Variants in SH2D4B observed in about 807,000 individuals in gnomAD.
SH2D4B encodes the protein SH2 domain containing 4B.
In SH2D4B, 45 loss-of-function variants were observed where a neutral mutation model predicts 61.5. The observed-to-expected ratio is 0.73, with a 90% confidence interval of 0.58 to 0.94. SH2D4B has a LOEUF of 0.94. SH2D4B is among the 40% of genes least tolerant of loss of function. The pLI, the probability that SH2D4B is intolerant of heterozygous loss-of-function variation, is 0.00. For synonymous variants in SH2D4B, 224 were observed against 220.4 expected, an observed-to-expected ratio of 1.02 and a Z score of -0.14; for missense variants, 572 against 574.2, an observed-to-expected ratio of 1.00 and a Z score of 0.04.
chr10:80,621,756 C>G (rs982021792), intron 6 of SH2D4B, among the ~76,000 whole-genome samples: 4 of 152,186 alleles, frequency 2.6e-5, no homozygotes, highest in African/African-American at 9.7e-5. Context: ...TGATTTCCAG[C>G]ACAGCAGGGG....
At chr10:80,643,242 GTTC>G (rs1451583574) in intron 7 of SH2D4B, among the ~76,000 whole-genome samples, 1 of 149,248 alleles carries the variant, frequency 6.7e-6, no homozygotes, top group Admixed American at 6.7e-5. Context: ...TCTTTAAGTG[GTTC>G]TTTTTTTTTT....
Position 80,603,696 on chromosome 10 carries a change from C to A in SH2D4B, c.761C>A (p.Ser254Tyr), listed in dbSNP as rs2132139779. The change falls in exon 5 of 8, where the codon TCC (serine) becomes TAC (tyrosine). Residue 254 changes from serine (S) to tyrosine (Y), a missense_variant. Ser to Tyr is a moderately radical substitution (Grantham distance 144). Transcript: ENST00000646907. ...AAGGGCACGGTCGCTGGCCTCAGCT[C>A]CATGTTCCGGGAGCTTGGCCAGAGC... The part of the protein sequence containing the change: ...IQKGTVAGLS[S>Y]MFRELGQSHE... 5 of 1,613,364 alleles carry A rather than the reference C, an allele frequency of 3.1e-6. No individual in the cohort carries two copies. The highest frequency in any genetic ancestry group is 3.4e-6 in the Non-Finnish European group (4 of 1,179,832).
intron 3 of SH2D4B, among the ~76,000 whole-genome samples, chr10:80,586,086 C>G (rs1842243311): frequency 6.6e-6 from 1 of 152,186 alleles, no homozygotes; most frequent in Non-Finnish European, 1.5e-5. Flanking sequence ...CACTTGATTT[C>G]TCAGGGGGCC....
chr10:80,586,880 C>A (rs1251271273), intron 3 of SH2D4B, among the ~76,000 whole-genome samples: 1 of 152,184 alleles, frequency 6.6e-6, no homozygotes, highest in Non-Finnish European at 1.5e-5. Flanking sequence ...ACCACGAACC[C>A]ACCGGGAGGA....
At chr10:80,609,840 TAA>T (rs1329370368) in intron 6 of SH2D4B, among the ~76,000 whole-genome samples, 6 of 152,306 alleles carry the variant, frequency 3.9e-5, no homozygotes, top group Non-Finnish European at 7.4e-5. Flanking sequence ...TTTGTGGTCA[TAA>T]GACAGTGAGC....
Position 80,643,990 on chromosome 10 carries a change from T to G in SH2D4B, c.1210-3T>G. ...GTGGATTTTCCTTTTTTTTCTGTTTTAGGAGGAAATTATCACTGTTTCAGG... is the reference window on the plus strand; with the variant it reads ...GTGGATTTTCCTTTTTTTTCTGTTTGAGGAGGAAATTATCACTGTTTCAGG... On this transcript the variant is annotated splice_region_variant and splice_polypyrimidine_tract_variant and intron_variant, in intron 7 of 7. Transcript: ENST00000646907. The G allele has an allele frequency of 1.2e-6, 2 of 1,613,232 alleles. No homozygotes were observed. Among genetic ancestry groups the G allele is most frequent in the Non-Finnish European group, 1.7e-6 (2 of 1,179,416 alleles).
intron 3 of SH2D4B, among the ~76,000 whole-genome samples, chr10:80,579,753 A>G (rs1031211902): frequency 1.1e-4 from 16 of 151,862 alleles, no homozygotes; most frequent in Admixed American, 9.8e-4. Flanking sequence ...GAACTCCTAT[A>G]CAACTTTAGA....
chr10:80,564,993 G>A (rs1229983084), intron 1 of SH2D4B, among the ~76,000 whole-genome samples: 16 of 152,166 alleles, frequency 1.1e-4, no homozygotes, highest in Admixed American at 1.0e-3. Flanking sequence ...GACAAAAAAA[G>A]GGACATTGGA....
At chr10:80,552,602 C>A (rs1168280458) in intron 1 of SH2D4B, among the ~76,000 whole-genome samples, 2 of 152,220 alleles carry the variant, frequency 1.3e-5, no homozygotes, top group African/African-American at 4.8e-5. Flanking sequence ...GTAACCCAAT[C>A]CCAGCTCTCA....
At position 80,585,407 on chromosome 10, in the gene SH2D4B, C is replaced by T. The variant is rs951036832; in HGVS notation, c.496-3223C>T. The stretch of plus-strand genomic sequence containing the variant: ...TCAGCTCACTGCAACCTCCACCTCC[C>T]GGGTTCAAGTGATTCTCCTGCCTCA... On this transcript the variant is annotated intron_variant, in intron 3 of 7. Coordinates refer to ENST00000646907, the MANE Select transcript of SH2D4B (RefSeq NM_001388272.1). Among the ~76,000 whole-genome samples the T allele has an allele frequency of 1.9e-4, 29 of 151,920 alleles. 1 individual carries two copies. The highest frequency in any genetic ancestry group is 1.3e-4 in the Admixed American group (2 of 15,260).
intron 1 of SH2D4B, among the ~76,000 whole-genome samples, chr10:80,556,136 C>A (rs78895269): frequency 6.9e-6 from 1 of 144,776 alleles, no homozygotes; most frequent in Non-Finnish European, 1.5e-5. Flanking sequence ...GAGTCAAGTT[C>A]TTTTTTTTTT....
At chr10:80,631,471 A>T (rs904073043) in intron 6 of SH2D4B, among the ~76,000 whole-genome samples, 5 of 152,120 alleles carry the variant, frequency 3.3e-5, no homozygotes, top group Admixed American at 2.0e-4. Flanking sequence ...CTGGTTTTGA[A>T]TTCCTGGGCT....
intron 7 of SH2D4B, among the ~76,000 whole-genome samples, chr10:80,635,047 T>C (rs1032768655): frequency 1.3e-5 from 2 of 152,162 alleles, no homozygotes; most frequent in African/African-American, 4.8e-5. Flanking sequence ...AACGTCAGCG[T>C]CCTAGCCAGG....
chr10:80,601,945 A>T (rs1451495450), intron 4 of SH2D4B, among the ~76,000 whole-genome samples: 2 of 152,200 alleles, frequency 1.3e-5, no homozygotes, highest in African/African-American at 4.8e-5. Flanking sequence ...GGCCAGCAAG[A>T]GGTTTTTTTG....
At chr10:80,542,155 C>G (rs896613721) in intron 1 of SH2D4B, among the ~76,000 whole-genome samples, 1 of 152,132 alleles carries the variant, frequency 6.6e-6, no homozygotes, top group Non-Finnish European at 1.5e-5. Flanking sequence ...TTCAGTCAAA[C>G]CCCTCTAGCA....
intron 1 of SH2D4B, among the ~76,000 whole-genome samples, chr10:80,552,925 CT>C (rs2132107613): frequency 6.6e-6 from 1 of 151,820 alleles, no homozygotes; most frequent in South Asian, 2.1e-4. Context: ...CTCTCTCTTT[CT>C]TTCTTTGAGA....
chr10:80,588,837 C>G, intron 4 of SH2D4B, 60 bp downstream of exon 4: 1 of 1,597,528 alleles, frequency 6.3e-7, no homozygotes, highest in South Asian at 1.1e-5. Context: ...CCACCTCCTC[C>G]CAATGCTGAT....
intron 6 of SH2D4B, among the ~76,000 whole-genome samples, chr10:80,630,620 CTTTG>C (rs1842820780): frequency 6.6e-6 from 1 of 152,156 alleles, no homozygotes; most frequent in Non-Finnish European, 1.5e-5. Flanking sequence ...AAGCTATAGG[CTTTG>C]TGGTTTTGGC....
intron 4 of SH2D4B, among the ~76,000 whole-genome samples, chr10:80,592,260 T>C (rs1188655056): frequency 6.6e-6 from 1 of 152,262 alleles, no homozygotes; most frequent in Non-Finnish European, 1.5e-5. Flanking sequence ...CAGAGTTCAC[T>C]ATATATTTTG....
Sources: allele counts gnomAD v4.1 joint callset (sites outside exome capture counted in the v4.1 genomes callset), GRCh38; gene constraint gnomAD v4.1.1; transcripts MANE v1.5; gene names NCBI Gene and HGNC (gene_info 2026-07-23, HGNC 2026-07-21).